The following PRRC2B variants were observed in gnomAD, a reference collection of about 807,000 sequenced individuals.
PRRC2B encodes protein PRRC2B.
In PRRC2B, 68 loss-of-function variants were observed where a neutral mutation model predicts 242.3. The observed-to-expected ratio is 0.28, with a 90% CI of 0.23 to 0.34. PRRC2B has a LOEUF of 0.34. PRRC2B is among the 10% of genes least tolerant of loss of function. PRRC2B has a pLI of 1.00. For missense variants in PRRC2B, 2,835 were observed against 2,954.8 expected (o/e 0.96, Z 0.94); for synonymous variants, 1,228 against 1,173.6 (o/e 1.05, Z -0.95).
At chr9:131,425,511 T>C (rs1038188685) in intron 1 of PRRC2B, among the ~76,000 whole-genome samples, 3 of 151,856 alleles carry the variant, frequency 2.0e-5, no homozygotes, top group African/African-American at 7.2e-5. Flanking sequence ...TTTTTTGAGA[T>C]GGAGTTTCGC....
At position 131,487,004 on chromosome 9, in the gene PRRC2B, GC is replaced by G. The variant is rs1217046224; in HGVS notation, c.5857-162del. On this transcript the variant is annotated intron_variant, in intron 26 of 31. Transcript: ENST00000683519. This position sits in a 1 kb window ranked among gnomAD's most constrained non-coding sequence, Gnocchi z 5.3. ...GGTTGCTACCAGTTTTTCATTATAG[GC>G]TTTATCCCAATAGCAAGGGAAGCCC... Among the ~76,000 whole-genome samples the G allele has an allele frequency of 1.3e-5, 2 of 152,134 alleles. No individual in the cohort carries two copies. The highest frequency in any genetic ancestry group is 4.8e-5 in the African/African-American group (2 of 41,406).
At chr9:131,427,849 C>T (rs1438237074) in intron 1 of PRRC2B, among the ~76,000 whole-genome samples, 1 of 152,124 alleles carries the variant, frequency 6.6e-6, no homozygotes, top group Non-Finnish European at 1.5e-5. Context: ...AAACATATGC[C>T]TTAATTATTG....
At chr9:131,408,333 G>C (rs907578197) in intron 1 of PRRC2B, among the ~76,000 whole-genome samples, 1 of 152,224 alleles carries the variant, frequency 6.6e-6, no homozygotes, top group East Asian at 1.9e-4. Flanking sequence ...AGCATGTAAA[G>C]ATACATGTAC....
chr9:131,431,104 C>G (rs1329786434), intron 2 of PRRC2B, among the ~76,000 whole-genome samples: 2 of 151,992 alleles, frequency 1.3e-5, no homozygotes, highest in African/African-American at 4.8e-5. Context: ...GCATGTGCCA[C>G]CACGCCCGGC....
At chr9:131,380,375 C>T (rs1030048612) in intron 1 of PRRC2B, among the ~76,000 whole-genome samples, 7 of 151,944 alleles carry the variant, frequency 4.6e-5, no homozygotes, top group South Asian at 4.2e-4. Context: ...GTCAGGATTT[C>T]GAGACCAGCC....
chr9:131,493,101 T>A (rs1944241386), intron 30 of PRRC2B, among the ~76,000 whole-genome samples: 1 of 152,038 alleles, frequency 6.6e-6, no homozygotes, highest in South Asian at 2.1e-4. Flanking sequence ...CGGGCCCCCA[T>A]GGTCTGCAAG....
At chr9:131,403,692 C>A (rs562857211) in intron 1 of PRRC2B, among the ~76,000 whole-genome samples, 1 of 150,368 alleles carries the variant, frequency 6.7e-6, no homozygotes, top group Non-Finnish European at 1.5e-5. Context: ...AAATTAAAAG[C>A]CAAGTGTTTG....
rs1944071934 is a variant in PRRC2B, at chr9:131,487,885, C to T, written c.6014C>T (p.Ser2005Leu). 3 of 1,612,486 alleles carry T rather than the reference C, an allele frequency of 1.9e-6. No homozygotes were observed. Among genetic ancestry groups the T allele is most frequent in the Non-Finnish European group, 2.5e-6 (3 of 1,178,648 alleles). ...CAGGTGTACATGCACCCCAGCCTGT[C>T]ACCGCCCAGCACCATGATCCTCTCT... is the stretch of plus-strand genomic sequence containing the variant. ...RSQVYMHPSL[S>L]PPSTMILSGG... Residue 2005 changes from serine to leucine, a missense_variant, in exon 28 of 32, where the codon TCA (serine) becomes TTA (leucine). Ser to Leu is a moderately radical substitution (Grantham distance 145). Coordinates refer to ENST00000683519, the MANE Select transcript of PRRC2B (RefSeq NM_013318.4). This position sits in a 1 kb window ranked among gnomAD's most constrained non-coding sequence, Gnocchi z 5.3.
chr9:131,478,642 G>GGGGCCCC, intron 18 of PRRC2B, 23 bp downstream of exon 18: 1 of 482,030 alleles, frequency 2.1e-6, no homozygotes, highest in Non-Finnish European at 4.2e-6. Flanking sequence ...GGGTGGGGGG[G>GGGGCCCC]CATGGGGCTG....
rs371508448 is a variant in PRRC2B, at chr9:131,450,834, C to T, written c.1120+3030C>T. Among the ~76,000 whole-genome samples the T allele has an allele frequency of 7.9e-5, 12 of 152,138 alleles. No individual in the cohort carries two copies. In the South Asian group the frequency reaches 1.7e-3, roughly 21 times the overall value. On this transcript the variant is annotated intron_variant, in intron 9 of 31. Coordinates refer to ENST00000683519, the MANE Select transcript of PRRC2B (RefSeq NM_013318.4). The stretch of plus-strand genomic sequence containing the variant: ...AACTCCTGACCTCAGGTGATAGGTC[C>T]GCCTTGGCCTCCCAAAGTGCTGGGA...
rs557245773 is a variant in PRRC2B, at chr9:131,487,672, C to T, written c.5985-184C>T. Among the ~76,000 whole-genome samples the T allele has an allele frequency of 1.3e-5, 2 of 152,256 alleles. No homozygotes were observed. The highest frequency in any genetic ancestry group is 1.3e-4 in the Admixed American group (2 of 15,296). ...CCTGGATGTCTTCACTTGTTTAATC[C>T]AGCAGCATCAGCGCCATCTAGGAGC... On this transcript the variant is annotated intron_variant, in intron 27 of 31. Transcript: ENST00000683519. This position sits in a 1 kb window ranked among gnomAD's most constrained non-coding sequence, Gnocchi z 5.3.
In PRRC2B at chr9:131,456,606, C is replaced by G. The variant is rs558023316; in HGVS notation, c.1211+1440C>G. The stretch of plus-strand genomic sequence containing the variant: ...AGATCACGCCACATGCCACTGCACT[C>G]CAGCCCGGGCAACAGAGCGAGACTC... On this transcript the variant is annotated intron_variant, in intron 10 of 31. Coordinates refer to ENST00000683519, the MANE Select transcript of PRRC2B (RefSeq NM_013318.4). Among the ~76,000 whole-genome samples the G allele has an allele frequency of 7.2e-5, 11 of 151,768 alleles. No individual in the cohort carries two copies. In the South Asian group the frequency reaches 2.1e-3, roughly 29 times the overall value.
At chr9:131,447,850 C>T (rs1476288693) in intron 9 of PRRC2B, 46 bp downstream of exon 9, 1 of 1,577,246 alleles carries the variant, frequency 6.3e-7, no homozygotes, top group East Asian at 2.3e-5. Context: ...GACCAAAGTC[C>T]ATATGTACTT....
At chr9:131,469,505 T>A (rs777426909) in intron 13 of PRRC2B, among the ~76,000 whole-genome samples, 22 of 152,176 alleles carry the variant, frequency 1.4e-4, no homozygotes, top group Non-Finnish European at 2.6e-4. Flanking sequence ...AGTCTCTTGA[T>A]TGATGAGCTA....
chr9:131,388,316 C>T (rs1836852403), intron 1 of PRRC2B, among the ~76,000 whole-genome samples: 1 of 139,602 alleles, frequency 7.2e-6, no homozygotes, highest in Non-Finnish European at 1.5e-5. Context: ...TCTTGGCTTA[C>T]TGCTACCTCC....
intron 28 of PRRC2B, among the ~76,000 whole-genome samples, chr9:131,489,564 T>G (rs776013516): frequency 1.3e-5 from 2 of 152,114 alleles, no homozygotes; most frequent in Non-Finnish European, 2.9e-5. Flanking sequence ...ACATGGCCTT[T>G]GCATTTCATC....
chr9:131,473,868 G>A, intron 15 of PRRC2B, 144 bp downstream of exon 15: 1 of 635,426 alleles, frequency 1.6e-6, no homozygotes, highest in South Asian at 1.9e-5. Context: ...TTCCTCTGGG[G>A]AAGGAGAGTG....
chr9:131,413,279 A>G (rs975822334), intron 1 of PRRC2B, among the ~76,000 whole-genome samples: 1 of 152,158 alleles, frequency 6.6e-6, no homozygotes, highest in Non-Finnish European at 1.5e-5. Context: ...AAAAGTTCTA[A>G]GTTCCTAGCC....
intron 1 of PRRC2B, among the ~76,000 whole-genome samples, chr9:131,411,743 G>C (rs1469946621): frequency 6.6e-6 from 1 of 152,060 alleles, no homozygotes; most frequent in Non-Finnish European, 1.5e-5. Context: ...CAGCTCTTGG[G>C]GTTATTATTT....
Sources: allele counts gnomAD v4.1 joint callset (sites outside exome capture counted in the v4.1 genomes callset), GRCh38; gene constraint gnomAD v4.1.1; non-coding constraint Gnocchi (gnomAD v3.1); transcripts MANE v1.5; gene names NCBI Gene and HGNC (gene_info 2026-07-23, HGNC 2026-07-21).